The following TMEM9 variants were observed in gnomAD, a reference collection of about 807,000 sequenced individuals.
TMEM9 encodes transmembrane protein 9.
A neutral mutation model predicts 22.8 loss-of-function variants in TMEM9; 13 were observed. The observed-to-expected ratio is 0.57, with a 90% CI of 0.37 to 0.91. The LOEUF (loss-of-function observed/expected upper bound fraction) is 0.91. TMEM9 is among the 40% of genes least tolerant of loss of function. The pLI is 0.01. For synonymous variants in TMEM9, 88 were observed against 93.0 expected (o/e 0.95, Z 0.31); for missense variants, 182 against 238.1 (o/e 0.76, Z 1.55).
intron 4 of TMEM9, among the ~76,000 whole-genome samples, chr1:201,136,645 G>A (rs1664016445): frequency 6.6e-6 from 1 of 152,234 alleles, no homozygotes; most frequent in African/African-American, 2.4e-5. Flanking sequence ...CAGAACTGTT[G>A]CTGCCGTCAA....
intron 1 of TMEM9, among the ~76,000 whole-genome samples, chr1:201,163,593 A>G (rs1447828643): frequency 6.6e-6 from 1 of 152,192 alleles, no homozygotes; most frequent in African/African-American, 2.4e-5. Context: ...ACGTCTCAAA[A>G]AATAGAAGTA....
intron 2 of TMEM9, among the ~76,000 whole-genome samples, chr1:201,151,057 A>G (rs1205716706): frequency 2.0e-5 from 3 of 151,990 alleles, no homozygotes; most frequent in South Asian, 2.1e-4. Flanking sequence ...CCCACTGAAC[A>G]TAACTGATCC....
chr1:201,167,716 T>C (rs1354570882), intron 1 of TMEM9, among the ~76,000 whole-genome samples: 6 of 152,208 alleles, frequency 3.9e-5, no homozygotes, highest in Admixed American at 3.9e-4. Context: ...TCTCCCAAAG[T>C]TAGTTTGGCC....
At chr1:201,136,541 C>A (rs1664005018) in intron 4 of TMEM9, among the ~76,000 whole-genome samples, 1 of 151,972 alleles carries the variant, frequency 6.6e-6, no homozygotes, top group African/African-American at 2.4e-5. Context: ...ATTCCCTTTG[C>A]AGAGCCCTCT....
upstream of TMEM9, among the ~76,000 whole-genome samples, chr1:201,156,050 T>A (rs12071485): frequency 0.012 from 1,882 of 152,238 alleles, 41 homozygotes; most frequent in African/African-American, 0.043. Context: ...ACGTTCCATA[T>A]GAAGGTGGGA....
intron 4 of TMEM9, among the ~76,000 whole-genome samples, chr1:201,137,845 A>T (rs1572096751): frequency 6.6e-6 from 1 of 152,206 alleles, no homozygotes; most frequent in South Asian, 2.1e-4. Context: ...GGCTGCCAGG[A>T]GAAAGCCTGT....
At chr1:201,146,131 C>T (rs1664939277) in intron 3 of TMEM9, among the ~76,000 whole-genome samples, 1 of 152,230 alleles carries the variant, frequency 6.6e-6, no homozygotes, top group Non-Finnish European at 1.5e-5. Flanking sequence ...ACGGGAAGTT[C>T]TGCCTGGTGC....
At chr1:201,141,142 G>A (rs758384265) in intron 4 of TMEM9, among the ~76,000 whole-genome samples, 5 of 152,118 alleles carry the variant, frequency 3.3e-5, no homozygotes, top group Non-Finnish European at 7.3e-5. Flanking sequence ...GTAACTTTCC[G>A]ACCCCTTGTC....
rs1225769871 is a variant in TMEM9 at position 201,135,594 on chromosome 1, C to T, written c.*69G>A. The T allele has an allele frequency of 6.9e-7, 1 of 1,439,958 alleles. No homozygotes were observed. The highest frequency in any genetic ancestry group is 1.5e-5 in the African/African-American group (1 of 68,730). The allele number at this position is 1,439,958 out of a possible 1,614,324, so 89.2% of individuals were successfully genotyped here. A position where few individuals can be genotyped will look rare whatever the true frequency, so the allele number is the denominator to read the frequency against. ...GAACCGAGGGAAGGGAGAAGTAGCC[C>T]CCTGCTTTGTCCAGCCTGGAAGCTG... On this transcript the variant is annotated 3_prime_UTR_variant, in exon 5 of 5. Transcript: ENST00000367330.
In TMEM9 at chr1:201,151,851, C is replaced by T. The variant is rs572135721; in HGVS notation, c.68G>A (p.Ser23Asn). The change falls in exon 2 of 5, where the codon AGT (serine) becomes AAT (asparagine). Residue 23 changes from serine to asparagine, a missense_variant and splice_region_variant. By Grantham distance (46) the Ser-to-Asn change is conservative (BLOSUM62 1). Coordinates refer to ENST00000367330, the MANE Select transcript of TMEM9 (RefSeq NM_001288565.2). ...GCATTTGCACCGGATATCTTCAGAACTCTGGAAAAGAAAGCACATGTCAAG... is the reference window on the plus strand; with the variant it reads ...GCATTTGCACCGGATATCTTCAGAATTCTGGAAAAGAAAGCACATGTCAAG... ...LLVPPAEANK[S>N]SEDIRCKCIC... 3.1e-5 allele frequency: 50 copies of T among 1,613,020 alleles called. No homozygotes were observed. In the South Asian group the frequency reaches 4.9e-4, roughly 16 times the overall value.
At chr1:201,136,229 C>T (rs1663972043) in intron 4 of TMEM9, among the ~76,000 whole-genome samples, 1 of 152,216 alleles carries the variant, frequency 6.6e-6, no homozygotes, top group Admixed American at 6.5e-5. Flanking sequence ...GCTTCAAGAC[C>T]TCACTTAGGC....
At position 201,153,878 on chromosome 1, in the gene TMEM9, G is replaced by T. The variant is rs762077802; in HGVS notation, c.46C>A (p.Pro16Thr). Residue 16 changes from proline to threonine, a missense_variant, in exon 1 of 5, where the codon CCC (proline) becomes ACC (threonine). Coordinates refer to ENST00000367330, the MANE Select transcript of TMEM9 (RefSeq NM_001288565.2). Reference sequence around the variant, plus strand: ...CTCACCTTGTTGGCTTCAGCTGGGGGCACCAGCAAACACCCGACCACAGCC... The same window carrying T: ...CTCACCTTGTTGGCTTCAGCTGGGGTCACCAGCAAACACCCGACCACAGCC... ...LVAVVGCLLV[P>T]PAEANKSSED... The T allele has an allele frequency of 3.1e-6, 5 of 1,613,964 alleles. No individual in the cohort carries two copies. Among genetic ancestry groups the T allele is most frequent in the Non-Finnish European group, 4.2e-6 (5 of 1,179,960 alleles).
chr1:201,150,170 T>A (rs1406751738), intron 2 of TMEM9, among the ~76,000 whole-genome samples: 1 of 152,216 alleles, frequency 6.6e-6, no homozygotes. Flanking sequence ...TATAGCCTTG[T>A]TATCTGGTGA....
At chr1:201,141,583 A>G (rs1664534452) in intron 4 of TMEM9, among the ~76,000 whole-genome samples, 1 of 152,020 alleles carries the variant, frequency 6.6e-6, no homozygotes, top group Admixed American at 6.5e-5. Flanking sequence ...AGCTTTTAGA[A>G]CCTCAGGTGA....
In TMEM9 at chr1:201,146,731, T is replaced by C; in HGVS notation, c.267+9A>G. On this transcript the variant is annotated intron_variant, in intron 3 of 4. Coordinates refer to ENST00000367330, the MANE Select transcript of TMEM9 (RefSeq NM_001288565.2). ...GAATCCCACTGGCTTCCTGAGACCC[T>C]GGCGTTACCTTGATGGTGGTGGTGC... 6.2e-7 allele frequency: 1 copy of C among 1,613,904 alleles called. No homozygotes were observed. The highest frequency in any genetic ancestry group is 8.5e-7 in the Non-Finnish European group (1 of 1,179,748).
rs994674154 is a variant in TMEM9 at position 201,154,056 on chromosome 1, G to T, written c.-133C>A. On this transcript the variant is annotated 5_prime_UTR_variant, in exon 1 of 5. Coordinates refer to ENST00000367330, the MANE Select transcript of TMEM9 (RefSeq NM_001288565.2). ...CATCCGGCCAAGTGGGAATGGGGTT[G>T]GGGGCTGGGCTCCAGGATTCCAAGG... 1 of 1,084,796 alleles carries T rather than the reference G, an allele frequency of 9.2e-7. No homozygotes were observed. Among genetic ancestry groups the T allele is most frequent in the Middle Eastern group, 3.0e-4 (1 of 3,300 alleles). The allele number at this position is 1,084,796 out of a possible 1,614,324, so 67.2% of individuals were successfully genotyped here.
At chr1:201,152,964 G>A (rs1379602255) in intron 1 of TMEM9, among the ~76,000 whole-genome samples, 3 of 152,208 alleles carry the variant, frequency 2.0e-5, no homozygotes, top group African/African-American at 7.2e-5. Context: ...AAAGCCATCT[G>A]GCAGAATGCC....
rs1465387896 is a variant in TMEM9 at position 201,154,382 on chromosome 1, C to A, written c.-459G>T. 1 of 163,198 alleles carries A rather than the reference C, an allele frequency of 6.1e-6. No individual in the cohort carries two copies. Among genetic ancestry groups the A allele is most frequent in the Non-Finnish European group, 1.3e-5 (1 of 74,080 alleles). The allele number at this position is 163,198 out of a possible 1,614,324, so 10.1% of individuals were successfully genotyped here. On this transcript the variant is annotated 5_prime_UTR_variant, in exon 1 of 5. Transcript: ENST00000367330. ...CCCACCACGCCCAGAGGTCTTAAGC[C>A]GGACTGGGACCCCCAATAGCCCCGC... is the stretch of plus-strand genomic sequence containing the variant.
chr1:201,142,654 C>T (rs369921226), intron 4 of TMEM9, among the ~76,000 whole-genome samples: 12 of 152,358 alleles, frequency 7.9e-5, no homozygotes, highest in Middle Eastern at 3.4e-3. Context: ...CTTATGCATA[C>T]GCATGAGTTC....
Sources: gnomAD v4.1 joint callset for allele counts (sites outside exome capture counted in the v4.1 genomes callset) on GRCh38, gnomAD v4.1.1 for gene constraint, MANE v1.5 for transcripts, NCBI Gene and HGNC (gene_info 2026-07-23, HGNC 2026-07-21) for gene names.